The following LRP1B variants were observed in gnomAD, a reference collection of about 807,000 sequenced individuals.
LRP1B encodes LDL receptor related protein 1B, also known as low-density lipoprotein receptor-related protein 1B.
Under a neutral mutation model 556.6 loss-of-function variants are expected in LRP1B, and 217 were observed. The observed-to-expected ratio is 0.39, with a 90% CI of 0.35 to 0.44. LRP1B has a LOEUF of 0.44. Among genes scored for constraint, LRP1B ranks in the 20% least tolerant of loss-of-function variants. LRP1B has a pLI of 1.00. For missense variants in LRP1B, 5,053 were observed against 5,620.8 expected (o/e 0.90, Z 3.23); for synonymous variants, 2,047 against 1,865.8 (o/e 1.10, Z -2.50).
chr2:140,761,702 C>T (rs10187293), intron 35 of LRP1B, among the ~76,000 whole-genome samples: 14,550 of 152,088 alleles, frequency 0.096, 1,675 homozygotes, highest in African/African-American at 0.27. Context: ...GCCCCATGAG[C>T]GAGCTTGGTA....
At chr2:142,014,472 G>C (rs1264856589) in intron 1 of LRP1B, among the ~76,000 whole-genome samples, 1 of 152,138 alleles carries the variant, frequency 6.6e-6, no homozygotes, top group Non-Finnish European at 1.5e-5. Flanking sequence ...TTCATAAAAA[G>C]AGTAGTTGAA....
chr2:141,810,168 G>GAAAGAAAGAAAGAAAGAAA lies in LRP1B; in HGVS notation c.205+110_205+111insTTTCTTTCTTTCTTTCTTT, dbSNP rs1553467624. On this transcript the variant is annotated intron_variant, in intron 2 of 90. Coordinates refer to ENST00000389484, the MANE Select transcript of LRP1B (RefSeq NM_018557.3). Reference sequence around the variant, plus strand: ...AAGAAAGAAAGAAAGAAAGAAAGAAGGAAAGAAAGAAAGAAAGAATCATCT... The same window carrying GAAAGAAAGAAAGAAAGAAA: ...AAGAAAGAAAGAAAGAAAGAAAGAAGAAAGAAAGAAAGAAAGAAAGAAAGAAAGAAAGAAAGAATCATCT... The GAAAGAAAGAAAGAAAGAAA allele has an allele frequency of 2.2e-4, 51 of 236,038 alleles. 1 individual carries two copies. The highest frequency in any genetic ancestry group is 1.8e-3 in the Middle Eastern group (2 of 1,094). 14.6% of individuals were successfully genotyped at this position (236,038 alleles called of 1,614,324 possible). A position where few individuals can be genotyped will look rare whatever the true frequency, so the allele number is the denominator to read the frequency against.
At position 141,480,516 on chromosome 2, in the gene LRP1B, T is replaced by C. The variant is rs771230548; in HGVS notation, c.223A>G (p.Ile75Val). 1.2e-5 allele frequency: 19 copies of C among 1,613,828 alleles called. No individual in the cohort carries two copies. In the Admixed American group the frequency reaches 1.8e-4, roughly 16 times the overall value. ...GCAATGTGATTCAAGGGGCACTTGA[T>C]TTCTACCTCCTCGGGACCTGAAAAG... ...SLDTCPEEVE[I>V]KCPLNHIACL... is the part of the protein sequence containing the mutation. The change falls in exon 3 of 91, where the codon ATC becomes GTC. Residue 75 changes from isoleucine (I) to valine (V), a missense_variant. Coordinates refer to ENST00000389484, the MANE Select transcript of LRP1B (RefSeq NM_018557.3).
At chr2:141,383,966 T>C (rs370529052) in intron 3 of LRP1B, among the ~76,000 whole-genome samples, 3 of 152,158 alleles carry the variant, frequency 2.0e-5, no homozygotes, top group African/African-American at 7.2e-5. Context: ...TGACATTCTA[T>C]ACGTAAAATA....
intron 41 of LRP1B, among the ~76,000 whole-genome samples, chr2:140,665,987 A>T (rs1454185127): frequency 7.0e-6 from 1 of 142,824 alleles, no homozygotes; most frequent in African/African-American, 2.7e-5. Flanking sequence ...GGAGTAAAAA[A>T]AAAAAAATTT....
Position 141,444,757 on chromosome 2 carries a change from T to A in LRP1B, c.343+35639A>T, listed in dbSNP as rs150533630. ...TTGATTTCCACATGTTAAACCAACC[T>A]TGCATCCCAGAAATGAAGCTGACTT... On this transcript the variant is annotated intron_variant, in intron 3 of 90. Coordinates refer to ENST00000389484, the MANE Select transcript of LRP1B (RefSeq NM_018557.3). Among the ~76,000 whole-genome samples, 373 of 152,346 alleles carry A rather than the reference T, an allele frequency of 2.4e-3. 2 individuals carry two copies. Among genetic ancestry groups the A allele is most frequent in the African/African-American group, 8.5e-3 (354 of 41,580 alleles).
At chr2:142,089,142 C>T (rs1035765412) in intron 1 of LRP1B, among the ~76,000 whole-genome samples, 2 of 151,982 alleles carry the variant, frequency 1.3e-5, no homozygotes, top group Non-Finnish European at 2.9e-5. Flanking sequence ...ATTCATGGAG[C>T]TTACATTCTT....
intron 2 of LRP1B, among the ~76,000 whole-genome samples, chr2:141,558,490 C>G (rs1216684004): frequency 6.6e-6 from 1 of 151,752 alleles, no homozygotes; most frequent in Non-Finnish European, 1.5e-5. Context: ...ATGGGATTCT[C>G]TATACATTCT....
chr2:140,646,609 T>TAG, intron 41 of LRP1B, among the ~76,000 whole-genome samples: 1 of 151,490 alleles, frequency 6.6e-6, no homozygotes, highest in Admixed American at 6.7e-5. Flanking sequence ...AGTACACATA[T>TAG]AGCATTCATA....
chr2:141,627,692 G>A (rs1334367798), intron 2 of LRP1B, among the ~76,000 whole-genome samples: 1 of 152,212 alleles, frequency 6.6e-6, no homozygotes, highest in Non-Finnish European at 1.5e-5. Context: ...TGGAAACACT[G>A]TCGTCCACGA....
chr2:141,691,465 A>C (rs1176312578), intron 2 of LRP1B, among the ~76,000 whole-genome samples: 3 of 133,180 alleles, frequency 2.3e-5, no homozygotes, highest in Non-Finnish European at 4.8e-5. Context: ...GTAATCAGCC[A>C]ACACACACAC....
chr2:140,505,162 A>C (rs981328135), intron 53 of LRP1B, among the ~76,000 whole-genome samples: 2 of 152,322 alleles, frequency 1.3e-5, no homozygotes, highest in South Asian at 2.1e-4. Context: ...TGCTCTAAGA[A>C]CTTTACAAAT....
intron 3 of LRP1B, among the ~76,000 whole-genome samples, chr2:141,430,328 T>C (rs1206959573): frequency 6.6e-6 from 1 of 152,138 alleles, no homozygotes; most frequent in Non-Finnish European, 1.5e-5. Context: ...CAATATCTCT[T>C]GTGATATTAA....
chr2:140,757,672 G>A (rs949611445), intron 35 of LRP1B, among the ~76,000 whole-genome samples: 1 of 152,204 alleles, frequency 6.6e-6, no homozygotes, highest in South Asian at 2.1e-4. Flanking sequence ...TTTGAGGCCA[G>A]GAGTTAGAGA....
At chr2:140,326,608 C>T (rs930624983) in intron 79 of LRP1B, among the ~76,000 whole-genome samples, 5 of 151,608 alleles carry the variant, frequency 3.3e-5, no homozygotes, top group East Asian at 3.9e-4. Flanking sequence ...CCAGCTACTC[C>T]GGAGGCTGAG....
chr2:141,839,164 T>C (rs1238532877), intron 1 of LRP1B, among the ~76,000 whole-genome samples: 1 of 152,200 alleles, frequency 6.6e-6, no homozygotes, highest in Non-Finnish European at 1.5e-5. Context: ...AGGTAGGTTA[T>C]TGTCATCCAA....
At chr2:140,278,073 C>CA (rs1682759685) in intron 84 of LRP1B, among the ~76,000 whole-genome samples, 1 of 150,916 alleles carries the variant, frequency 6.6e-6, no homozygotes, top group Admixed American at 6.6e-5. Flanking sequence ...CAGCTGTAAG[C>CA]AAAAATATGG....
intron 1 of LRP1B, among the ~76,000 whole-genome samples, chr2:141,841,425 G>GA (rs1697468128): frequency 2.0e-5 from 3 of 152,090 alleles, no homozygotes; most frequent in Admixed American, 2.0e-4. Flanking sequence ...TGTTAAAATG[G>GA]AAAAAAGTAT....
intron 18 of LRP1B, among the ~76,000 whole-genome samples, chr2:140,970,019 A>G (rs1000804305): frequency 1.3e-5 from 2 of 152,088 alleles, no homozygotes; most frequent in Non-Finnish European, 2.9e-5. Context: ...GCTCTTCTCA[A>G]GGACCATCTT....
Sources: gnomAD v4.1 joint callset for allele counts (sites outside exome capture counted in the v4.1 genomes callset) on GRCh38, gnomAD v4.1.1 for gene constraint, MANE v1.5 for transcripts, NCBI Gene and HGNC (gene_info 2026-07-23, HGNC 2026-07-21) for gene names.